Variants in SZT2 observed in about 807,000 individuals in gnomAD.
SZT2 encodes the protein KICSTOR complex protein SZT2.
A neutral mutation model predicts 404.2 loss-of-function variants in SZT2; 216 were observed. The ratio of observed to expected loss-of-function variants is 0.53; its 90% CI spans 0.48 to 0.60. SZT2 has a LOEUF of 0.60. Among genes scored for constraint, SZT2 ranks in the 20% least tolerant of loss-of-function variants. SZT2 has a pLI of 0.00. For missense variants in SZT2, 3,857 were observed against 4,459.2 expected, an observed-to-expected ratio of 0.86 and a Z score of 3.85; for synonymous variants, 1,693 against 1,749.9, an observed-to-expected ratio of 0.97 and a Z score of 0.81.
In SZT2 at chr1:43,409,453, A is replaced by G. The variant is rs1240337765; in HGVS notation, c.498+4903A>G. On this transcript the variant is annotated intron_variant, in intron 4 of 71. Coordinates refer to ENST00000634258, the MANE Select transcript of SZT2 (RefSeq NM_001365999.1). Reference sequence around the variant, plus strand: ...CAGACAAGAGAAAGAAAGAAAGGTCATCCAAACTGGAAAATAAGTCAAATT... The same window carrying G: ...CAGACAAGAGAAAGAAAGAAAGGTCGTCCAAACTGGAAAATAAGTCAAATT... 3.9e-5 allele frequency: 15 copies of G among 386,514 alleles called. No homozygotes were observed. The East Asian group carries it at 9.2e-4, about 24-fold the overall frequency. 23.9% of individuals were successfully genotyped at this position (386,514 alleles called of 1,614,324 possible). A position where few individuals can be genotyped will look rare whatever the true frequency, so the allele number is the denominator to read the frequency against.
At chr1:43,415,246 TAGAA>T (rs1335137927) in intron 5 of SZT2, 33 bp downstream of exon 5, 6 of 1,594,862 alleles carry the variant, frequency 3.8e-6, no homozygotes, top group Admixed American at 1.7e-5. Context: ...AGAGGCAACT[TAGAA>T]AGAGGAGCAG....
In SZT2 at chr1:43,426,317, G is replaced by T; in HGVS notation, c.3044-51G>T. On this transcript the variant is annotated intron_variant, in intron 21 of 71. Coordinates refer to ENST00000634258, the MANE Select transcript of SZT2 (RefSeq NM_001365999.1). The surrounding 1 kb of genome is among the most constrained non-coding windows in gnomAD (Gnocchi z 4.9). ...CCAGCTGGTCAGGGCTGAGCCGGGG[G>T]CACCGGGCAGCAGGAGGCTCTTGGT... 6.6e-7 allele frequency: 1 copy of T among 1,507,872 alleles called. No homozygotes were observed. The highest frequency in any genetic ancestry group is 8.9e-7 in the Non-Finnish European group (1 of 1,127,686). The allele number at this position is 1,507,872 out of a possible 1,614,324, so 93.4% of individuals were successfully genotyped here. A position where few individuals can be genotyped will look rare whatever the true frequency, so the allele number is the denominator to read the frequency against.
In SZT2 at chr1:43,403,194, G is replaced by C. The variant is rs1649889513; in HGVS notation, c.45G>C (p.Gln15His). 1.9e-6 allele frequency: 3 copies of C among 1,614,060 alleles called. No homozygotes were observed. Among genetic ancestry groups the C allele is most frequent in the South Asian group, 1.1e-5 (1 of 91,088 alleles). The change falls in exon 2 of 72, where the codon CAG becomes CAC. Residue 15 changes from glutamine to histidine, a missense_variant. Gln to His is a conservative substitution (Grantham distance 24). Transcript: ENST00000634258. The part of the protein sequence containing the change: ...RPEPEVEEAG[Q>H]VFLLMKKDYR... ...GTTCCCAGGTGGAAGAAGCTGGGCA[G>C]GTGTTCCTGTTAATGAAAAAGGATT... is the stretch of plus-strand genomic sequence containing the variant.
chr1:43,403,584 T>C lies in SZT2; in HGVS notation c.154-17T>C. 6.2e-7 allele frequency: 1 copy of C among 1,604,280 alleles called. No individual in the cohort carries two copies. On this transcript the variant is annotated splice_polypyrimidine_tract_variant and intron_variant, in intron 2 of 71. Transcript: ENST00000634258. ...ACTTCGCTGATCCTTTCCTTTTCTTTCCATCCTAATTTTCAGCTTCAGTCT... is the reference window on the plus strand; with the variant it reads ...ACTTCGCTGATCCTTTCCTTTTCTTCCCATCCTAATTTTCAGCTTCAGTCT...
intron 4 of SZT2, among the ~76,000 whole-genome samples, chr1:43,407,983 C>T (rs1377454968): frequency 6.6e-6 from 1 of 151,830 alleles, no homozygotes; most frequent in Non-Finnish European, 1.5e-5. Flanking sequence ...CAGGCGCCCG[C>T]CACCACGCCC....
chr1:43,452,383 C>A lies in SZT2; in HGVS notation c.*1903C>A, dbSNP rs1395335432. 1 of 1,328,760 alleles carries A rather than the reference C, an allele frequency of 7.5e-7. No individual in the cohort carries two copies. Among genetic ancestry groups the A allele is most frequent in the Non-Finnish European group, 1.1e-6 (1 of 935,452 alleles). 82.3% of individuals were successfully genotyped at this position (1,328,760 alleles called of 1,614,324 possible). On this transcript the variant is annotated 3_prime_UTR_variant, in exon 72 of 72. Transcript: ENST00000634258. ...CTCTCTCTGCACCTCTTCCAGGATTCCCTGACTGTGCCAGCCCTCGTCCGT... is the reference window on the plus strand; with the variant it reads ...CTCTCTCTGCACCTCTTCCAGGATTACCTGACTGTGCCAGCCCTCGTCCGT...
rs774784243 is a variant in SZT2, at chr1:43,448,397, G to T, written c.9882G>T (p.Arg3294=). Residue 3294 remains arginine (R), a synonymous_variant, in exon 69 of 72, where the codon CGG becomes CGT. Coordinates refer to ENST00000634258, the MANE Select transcript of SZT2 (RefSeq NM_001365999.1). The surrounding 1 kb of genome is among the most constrained non-coding windows in gnomAD (Gnocchi z 4.2). ...LLEPPGPDRL[R]LGGRLALAEL... ...AGCCACCGGGGCCTGATCGACTGCG[G>T]CTAGGGGGGCGCCTGGCCCTGGCAG... The T allele has an allele frequency of 3.2e-6, 5 of 1,575,358 alleles. No homozygotes were observed. In the East Asian group the frequency reaches 9.4e-5, roughly 30 times the overall value.
chr1:43,398,263 C>T (rs1322363390), intron 1 of SZT2, among the ~76,000 whole-genome samples: 3 of 152,046 alleles, frequency 2.0e-5, no homozygotes, highest in African/African-American at 7.2e-5. Flanking sequence ...GAACATATAG[C>T]GAGAGGGGAA....
intron 70 of SZT2, chr1:43,449,465 G>T: frequency 6.1e-6 from 1 of 163,418 alleles, no homozygotes; most frequent in Non-Finnish European, 1.4e-5. Context: ...TGAGGCTGCA[G>T]TAGTGTCGGC....
chr1:43,428,507 A>G (rs1161216179), intron 28 of SZT2, 21 bp downstream of exon 28: 1 of 1,609,730 alleles, frequency 6.2e-7, no homozygotes, highest in African/African-American at 1.3e-5. Context: ...TACTTGAATG[A>G]TGGATAAGGG....
In SZT2 at chr1:43,451,049, C is replaced by G; in HGVS notation, c.*569C>G. ...GAGGTGGGTTCAGAAGCTCTCCCAT[C>G]TTCACAGCAACCCTGGCACTGGCTT... On this transcript the variant is annotated 3_prime_UTR_variant, in exon 72 of 72. Transcript: ENST00000634258. 1.3e-6 allele frequency: 1 copy of G among 789,092 alleles called. No individual in the cohort carries two copies. Among genetic ancestry groups the G allele is most frequent in the Non-Finnish European group, 2.3e-6 (1 of 440,690 alleles). The allele number at this position is 789,092 out of a possible 1,614,324, so 48.9% of individuals were successfully genotyped here. A position where few individuals can be genotyped will look rare whatever the true frequency, so the allele number is the denominator to read the frequency against.
Position 43,403,250 on chromosome 1 carries a change from G to C in SZT2, c.101G>C (p.Trp34Ser). The change falls in exon 2 of 72, where the codon TGG becomes TCG. Residue 34 changes from tryptophan to serine, a missense_variant. Coordinates refer to ENST00000634258, the MANE Select transcript of SZT2 (RefSeq NM_001365999.1). The stretch of plus-strand genomic sequence containing the variant: ...ATCTCCCGAAATGTTCGCCTGGCTT[G>C]GTTCCTCAGTCATCTGCACCAAACT... ...YRISRNVRLAWFLSHLHQTVQ... is the reference protein window; with the variant it reads ...YRISRNVRLASFLSHLHQTVQ... 1 of 1,614,112 alleles carries C rather than the reference G, an allele frequency of 6.2e-7. No homozygotes were observed. Among genetic ancestry groups the C allele is most frequent in the Non-Finnish European group, 8.5e-7 (1 of 1,180,040 alleles).
At chr1:43,421,030 G>A in intron 10 of SZT2, 47 bp downstream of exon 10, 1 of 1,594,822 alleles carries the variant, frequency 6.3e-7, no homozygotes, top group Non-Finnish European at 8.5e-7. Flanking sequence ...TTGTTGTATG[G>A]AGGGACAGAT....
chr1:43,392,708 CAGCCTA>C (rs1390382200), intron 1 of SZT2, among the ~76,000 whole-genome samples: 1 of 152,212 alleles, frequency 6.6e-6, no homozygotes, highest in Admixed American at 6.5e-5. Context: ...CCACCGTGCC[CAGCCTA>C]AGTTAAGCAT....
In SZT2 at chr1:43,431,477, A is replaced by C; in HGVS notation, c.5042A>C (p.Asn1681Thr). ...CCAATTAGGCACCCAGGACTATCCA[A>C]TTTGGCCACGCCCCACAGACTGGCT... is the stretch of plus-strand genomic sequence containing the variant. ...PEEERHPGLS[N>T]LATPHRLAIE... Residue 1681 changes from asparagine to threonine, a missense_variant, in exon 35 of 72, where the codon AAT becomes ACT. This residue lies in a region of SZT2 where 1,725 missense variants were observed against 1,881.0 expected (regional missense o/e 0.92). Coordinates refer to ENST00000634258, the MANE Select transcript of SZT2 (RefSeq NM_001365999.1). The C allele has an allele frequency of 6.2e-7, 1 of 1,614,070 alleles. No individual in the cohort carries two copies. The highest frequency in any genetic ancestry group is 8.5e-7 in the Non-Finnish European group (1 of 1,180,000).
rs766734490 is a variant in SZT2, at chr1:43,428,106, T to C, written c.3907T>C (p.Cys1303Arg). 6.2e-7 allele frequency: 1 copy of C among 1,613,756 alleles called. No homozygotes were observed. Among genetic ancestry groups the C allele is most frequent in the Non-Finnish European group, 8.5e-7 (1 of 1,179,762 alleles). Residue 1303 changes from cysteine (C) to arginine (R), a missense_variant, in exon 27 of 72, where the codon TGC (cysteine) becomes CGC (arginine). Physicochemically the swap from Cys to Arg is radical, Grantham distance 180. Around this residue, in one of 7 missense-constraint regions of SZT2, gnomAD observed 1,725 missense variants for 1,881.0 expected, o/e 0.92. Transcript: ENST00000634258. ...CCTGCTGCAGGAGCATGCACAGCGGTGCTATGTCCGTGGTGAGCAGGAGGG... is the reference window on the plus strand; with the variant it reads ...CCTGCTGCAGGAGCATGCACAGCGGCGCTATGTCCGTGGTGAGCAGGAGGG... ...CALLQEHAQR[C>R]YVRGLFRSLQ...
At chr1:43,391,877 C>G (rs1424710019) in intron 1 of SZT2, among the ~76,000 whole-genome samples, 1 of 20,856 alleles carries the variant, frequency 4.8e-5, no homozygotes, top group Non-Finnish European at 1.1e-4. Flanking sequence ...GTCAGGAGAT[C>G]GAGACCATCC....
chr1:43,400,271 A>T (rs190171449), intron 1 of SZT2, among the ~76,000 whole-genome samples: 103 of 152,306 alleles, frequency 6.8e-4, no homozygotes, highest in African/African-American at 2.4e-3. Context: ...TACAGAGAGA[A>T]TATAATACGC....
At chr1:43,392,227 T>G (rs543398157) in intron 1 of SZT2, among the ~76,000 whole-genome samples, 1 of 152,078 alleles carries the variant, frequency 6.6e-6, no homozygotes, top group East Asian at 1.9e-4. Context: ...ATTTAACATT[T>G]TTTTTGGTAC....
Sources: allele counts gnomAD v4.1 joint callset (sites outside exome capture counted in the v4.1 genomes callset), GRCh38; gene constraint gnomAD v4.1.1; regional missense constraint gnomAD v4.1.1; non-coding constraint Gnocchi (gnomAD v3.1); transcripts MANE v1.5; gene names NCBI Gene and HGNC (gene_info 2026-07-23, HGNC 2026-07-21).